The following CALR3 variants were observed in gnomAD, a reference collection of about 807,000 sequenced individuals.
The protein encoded by CALR3 is calreticulin-3.
A neutral mutation model predicts 48.7 loss-of-function variants in CALR3; 39 were observed. The ratio of observed to expected loss-of-function variants is 0.80; its 90% CI spans 0.62 to 1.05. The LOEUF (loss-of-function observed/expected upper bound fraction) is 1.05, where lower values mean the gene tolerates loss of function less well. Ranked by LOEUF, CALR3 falls within the 50% of genes least tolerant of loss-of-function variation. The probability of loss-of-function intolerance (pLI) is 0.00; values close to 1 mark genes in which losing one functional copy is unlikely to be tolerated. For missense variants in CALR3, 449 were observed against 474.7 expected (o/e 0.95, Z 0.50); for synonymous variants, 185 against 172.7 (o/e 1.07, Z -0.56).
chr19:16,487,637 T>G (rs1474873977), intron 3 of CALR3, among the ~76,000 whole-genome samples: 1 of 151,780 alleles, frequency 6.6e-6, no homozygotes, highest in Non-Finnish European at 1.5e-5. Context: ...TTTGTATCAT[T>G]TATTTATTTA....
At chr19:16,480,737 T>C (rs373096135) in intron 7 of CALR3, 31 bp from the exon 8 acceptor site, 101 of 1,373,728 alleles carry the variant, frequency 7.4e-5, no homozygotes, top group Admixed American at 1.7e-5. Context: ...TTCATTATTA[T>C]GCTTTTATTC....
chr19:16,487,338 G>C (rs1243007041), intron 3 of CALR3, among the ~76,000 whole-genome samples: 9 of 151,920 alleles, frequency 5.9e-5, no homozygotes, highest in Admixed American at 6.6e-5. Flanking sequence ...AAATTAGCTG[G>C]GCATGGTGGT....
intron 2 of CALR3, among the ~76,000 whole-genome samples, chr19:16,493,071 G>A (rs889544208): frequency 1.3e-5 from 2 of 152,106 alleles, no homozygotes; most frequent in Non-Finnish European, 2.9e-5. Flanking sequence ...TGAGCAAGTT[G>A]TGTGATCTGA....
chr19:16,482,707 C>G lies in CALR3; in HGVS notation c.757G>C (p.Ala253Pro), dbSNP rs1272928227. Reference protein sequence around the residue: ...WNGDLDGDWPAPMLQKPPYQD... With the variant: ...WNGDLDGDWPPPMLQKPPYQD... ...TACGGGGGCTTCTGGAGCATCGGCG[C>G]TGGCCAGTCCCCATCCAGGTCACCG... The change falls in exon 6 of 9, where the codon GCG (alanine) becomes CCG (proline). Residue 253 changes from alanine to proline, a missense_variant. By Grantham distance (27) the Ala-to-Pro change is conservative (BLOSUM62 -1). Coordinates refer to ENST00000269881, the MANE Select transcript of CALR3 (RefSeq NM_145046.5). The G allele has an allele frequency of 1.2e-6, 2 of 1,614,094 alleles. No homozygotes were observed. Among genetic ancestry groups the G allele is most frequent in the Non-Finnish European group, 1.7e-6 (2 of 1,179,998 alleles).
At chr19:16,482,198 G>A (rs1332087361) in intron 7 of CALR3, among the ~76,000 whole-genome samples, 1 of 151,582 alleles carries the variant, frequency 6.6e-6, no homozygotes, top group Non-Finnish European at 1.5e-5. Context: ...GTGAGCCACC[G>A]CGCACAGCCT....
At chr19:16,487,850 G>A (rs753157025) in intron 3 of CALR3, among the ~76,000 whole-genome samples, 1 of 143,682 alleles carries the variant, frequency 7.0e-6, no homozygotes, top group Non-Finnish European at 1.5e-5. Flanking sequence ...GTCTCACTCT[G>A]TTGCCCAGGC....
chr19:16,487,900 G>A (rs1393168911), intron 3 of CALR3, among the ~76,000 whole-genome samples: 1 of 150,666 alleles, frequency 6.6e-6, no homozygotes, highest in African/African-American at 2.4e-5. Flanking sequence ...TGCAAGCTCC[G>A]CCTCCCAGGT....
At position 16,479,076 on chromosome 19, in the gene CALR3, T is replaced by C. The variant is rs545887392; in HGVS notation, c.*55A>G. ...CATGTAGACATTTGAGTTTGAAACATAGATTAAAGTAGCAATGAGATTTTA... is the reference window on the plus strand; with the variant it reads ...CATGTAGACATTTGAGTTTGAAACACAGATTAAAGTAGCAATGAGATTTTA... On this transcript the variant is annotated 3_prime_UTR_variant, in exon 9 of 9. Transcript: ENST00000269881. The C allele has an allele frequency of 1.9e-6, 3 of 1,603,336 alleles. No homozygotes were observed. Among genetic ancestry groups the C allele is most frequent in the African/African-American group, 1.3e-5 (1 of 74,788 alleles).
intron 3 of CALR3, among the ~76,000 whole-genome samples, chr19:16,489,443 AC>A (rs978451771): frequency 3.3e-5 from 5 of 152,004 alleles, no homozygotes; most frequent in Admixed American, 2.6e-4. Flanking sequence ...ACATGGAGAA[AC>A]CCCGTCTCTA....
intron 5 of CALR3, chr19:16,483,616 G>GTAATC (rs547503698): frequency 0.16 from 45,205 of 284,738 alleles, 3,922 homozygotes; most frequent in African/African-American, 0.2. Flanking sequence ...TATTCGGGAG[G>GTAATC]CTGAGGCAGG....
Position 16,487,856 on chromosome 19 carries a change from C to G in CALR3, c.397+2511G>C, listed in dbSNP as rs546427981. 1.1e-3 allele frequency among the ~76,000 whole-genome samples: 165 copies of G among 151,644 alleles called. 1 individual carries two copies. The highest frequency in any genetic ancestry group is 3.9e-3 in the African/African-American group (162 of 41,314). ...TGAGACGGAGTCTCACTCTGTTGCC[C>G]AGGCTGGAGTGCAGTGGCGTGATCT... On this transcript the variant is annotated intron_variant, in intron 3 of 8. Coordinates refer to ENST00000269881, the MANE Select transcript of CALR3 (RefSeq NM_145046.5).
chr19:16,483,536 G>C (rs1179347465), intron 5 of CALR3, among the ~76,000 whole-genome samples: 2 of 152,000 alleles, frequency 1.3e-5, no homozygotes, highest in African/African-American at 2.4e-5. Context: ...TGGCCAACAT[G>C]GTGAAACCCC....
At chr19:16,486,639 G>A (rs199627593) in intron 3 of CALR3, among the ~76,000 whole-genome samples, 14 of 126,952 alleles carry the variant, frequency 1.1e-4, no homozygotes, top group East Asian at 6.8e-4. Context: ...AAAAAAAAAA[G>A]GTATTTACAC....
intron 5 of CALR3, among the ~76,000 whole-genome samples, chr19:16,483,533 CA>C: frequency 6.6e-6 from 1 of 152,170 alleles, no homozygotes; most frequent in East Asian, 1.9e-4. Context: ...GCCTGGCCAA[CA>C]TGGTGAAACC....
chr19:16,492,900 C>T (rs980127668), intron 2 of CALR3, among the ~76,000 whole-genome samples: 2 of 150,820 alleles, frequency 1.3e-5, no homozygotes, highest in African/African-American at 2.4e-5. Flanking sequence ...TGTGGTGGCA[C>T]ATGCCTGTAA....
intron 5 of CALR3, 148 bp from the exon 6 acceptor site, chr19:16,482,933 C>T (rs1371281002): frequency 1.3e-6 from 1 of 753,874 alleles, no homozygotes; most frequent in Non-Finnish European, 2.3e-6. Flanking sequence ...CAGCCTCAAC[C>T]TCTTGGGCTC....
rs572074650 is a variant in CALR3 at position 16,483,878 on chromosome 19, C to G, written c.678+52G>C. ...GCAGCAATTGTCCAGTAACTGGGTA[C>G]TTACAAACTACATTTGTGCACTTTT... is the stretch of plus-strand genomic sequence containing the variant. On this transcript the variant is annotated intron_variant, in intron 5 of 8. Coordinates refer to ENST00000269881, the MANE Select transcript of CALR3 (RefSeq NM_145046.5). The G allele has an allele frequency of 5.7e-6, 9 of 1,576,856 alleles. No individual in the cohort carries two copies. The East Asian group carries it at 2.0e-4, about 36-fold the overall frequency.
At chr19:16,488,049 G>C (rs1192797064) in intron 3 of CALR3, among the ~76,000 whole-genome samples, 1 of 152,056 alleles carries the variant, frequency 6.6e-6, no homozygotes, top group African/African-American at 2.4e-5. Flanking sequence ...TCCTGACCTC[G>C]TGATCTGCCC....
intron 3 of CALR3, among the ~76,000 whole-genome samples, chr19:16,487,470 C>A (rs1285399297): frequency 9.1e-6 from 1 of 110,314 alleles, no homozygotes; most frequent in Non-Finnish European, 1.8e-5. Flanking sequence ...ACGAGCGAAG[C>A]TGTGTCTCCA....
Sources: allele counts gnomAD v4.1 joint callset (sites outside exome capture counted in the v4.1 genomes callset), GRCh38; gene constraint gnomAD v4.1.1; transcripts MANE v1.5; gene names NCBI Gene and HGNC (gene_info 2026-07-23, HGNC 2026-07-21).